Variants in STAG1 observed in about 807,000 individuals in gnomAD.
STAG1 encodes the protein STAG1 cohesin complex component, also known as cohesin subunit SA-1.
A neutral mutation model predicts 170.9 loss-of-function variants in STAG1; 26 were observed. That is an observed-to-expected ratio of 0.15 (90% CI 0.11 to 0.21). The LOEUF is 0.21. STAG1 is among the 10% of genes least tolerant of loss of function. The probability of loss-of-function intolerance (pLI) is 1.00; values close to 1 mark genes in which losing one functional copy is unlikely to be tolerated. For missense variants in STAG1, 964 were observed against 1,509.5 expected (o/e 0.64, Z 5.99); for synonymous variants, 514 against 497.7 (o/e 1.03, Z -0.44).
intron 1 of STAG1, among the ~76,000 whole-genome samples, chr3:136,740,259 T>G (rs888732652): frequency 6.6e-6 from 1 of 151,980 alleles, no homozygotes; most frequent in African/African-American, 2.4e-5. Context: ...AAGAGAGAAT[T>G]TTAACGCAAA....
chr3:136,465,579 A>C (rs1374875342), intron 12 of STAG1, among the ~76,000 whole-genome samples: 1 of 149,290 alleles, frequency 6.7e-6, no homozygotes, highest in Non-Finnish European at 1.5e-5. Context: ...AAAAAAAAAA[A>C]AAAAAAAGGG....
chr3:136,609,987 T>C (rs1471189645), intron 3 of STAG1, among the ~76,000 whole-genome samples: 1 of 152,222 alleles, frequency 6.6e-6, no homozygotes, highest in Non-Finnish European at 1.5e-5. Context: ...TTTTAATGTC[T>C]TGGATATTTT....
chr3:136,522,346 CA>C (rs1003823404), intron 6 of STAG1, among the ~76,000 whole-genome samples: 1 of 152,128 alleles, frequency 6.6e-6, no homozygotes, highest in Non-Finnish European at 1.5e-5. Flanking sequence ...GACTCAGAGT[CA>C]AAATCCCAAA....
At chr3:136,489,165 G>A (rs985466379) in intron 9 of STAG1, among the ~76,000 whole-genome samples, 2 of 152,142 alleles carry the variant, frequency 1.3e-5, no homozygotes, top group African/African-American at 4.8e-5. Context: ...ATCCTTTGTG[G>A]TAACTCTATT....
intron 22 of STAG1, among the ~76,000 whole-genome samples, chr3:136,388,997 T>C (rs1353893310): frequency 6.6e-6 from 1 of 152,168 alleles, no homozygotes; most frequent in African/African-American, 2.4e-5. Flanking sequence ...GATCTCACTA[T>C]GTTGGCCAAG....
At chr3:136,639,579 C>T (rs562026352) in intron 1 of STAG1, among the ~76,000 whole-genome samples, 1 of 152,186 alleles carries the variant, frequency 6.6e-6, no homozygotes, top group South Asian at 2.1e-4. Context: ...CAAAAATGTC[C>T]TCTGGCTTAA....
intron 1 of STAG1, among the ~76,000 whole-genome samples, chr3:136,635,808 A>T (rs764263227): frequency 1.3e-5 from 2 of 152,266 alleles, no homozygotes; most frequent in African/African-American, 4.8e-5. Flanking sequence ...ATAAAAGTCA[A>T]TCACTTTGCT....
chr3:136,662,161 T>TG (rs1941605651), intron 1 of STAG1, among the ~76,000 whole-genome samples: 1 of 151,860 alleles, frequency 6.6e-6, no homozygotes, highest in Non-Finnish European at 1.5e-5. Context: ...CTCTTTTTTT[T>TG]TTTTTTTGGA....
At chr3:136,439,883 T>C (rs1448446656) in intron 15 of STAG1, among the ~76,000 whole-genome samples, 2 of 152,196 alleles carry the variant, frequency 1.3e-5, no homozygotes, top group African/African-American at 2.4e-5. Context: ...CTTTTCTAGC[T>C]TAAACCAACC....
At chr3:136,378,365 A>G (rs779861630) in intron 22 of STAG1, among the ~76,000 whole-genome samples, 4 of 152,228 alleles carry the variant, frequency 2.6e-5, no homozygotes, top group African/African-American at 7.2e-5. Context: ...AGATGGCCAG[A>G]TAAGATTCCA....
intron 23 of STAG1, among the ~76,000 whole-genome samples, chr3:136,371,380 T>C (rs1344922671): frequency 2.6e-5 from 4 of 152,224 alleles, no homozygotes; most frequent in South Asian, 2.1e-4. Flanking sequence ...TTTGTCAATT[T>C]TGGCTTTTGT....
At chr3:136,485,554 C>G (rs1054186162) in intron 9 of STAG1, among the ~76,000 whole-genome samples, 1 of 151,974 alleles carries the variant, frequency 6.6e-6, no homozygotes, top group African/African-American at 2.4e-5. Flanking sequence ...TTTTTTCAGA[C>G]AAAAAATTTC....
intron 1 of STAG1, among the ~76,000 whole-genome samples, chr3:136,719,071 C>T (rs1933042390): frequency 6.6e-6 from 1 of 152,136 alleles, no homozygotes; most frequent in Non-Finnish European, 1.5e-5. Context: ...AGGAATGAAA[C>T]ATATGTCTAC....
At chr3:136,703,660 T>C (rs1436123317) in intron 1 of STAG1, among the ~76,000 whole-genome samples, 2 of 151,850 alleles carry the variant, frequency 1.3e-5, no homozygotes, top group Non-Finnish European at 2.9e-5. Context: ...GTGGCAAGAG[T>C]TCTTCCTTAT....
chr3:136,536,584 C>G (rs564089957), intron 6 of STAG1, among the ~76,000 whole-genome samples: 1 of 151,834 alleles, frequency 6.6e-6, no homozygotes, highest in African/African-American at 2.4e-5. Flanking sequence ...GCCTGTAGTC[C>G]CAGCTACTCA....
chr3:136,618,217 C>T (rs974596470), intron 3 of STAG1, among the ~76,000 whole-genome samples: 1 of 152,118 alleles, frequency 6.6e-6, no homozygotes, highest in African/African-American at 2.4e-5. Flanking sequence ...CCATTTTTCC[C>T]ACCAAACCAC....
chr3:136,495,086 C>A (rs761942496), intron 9 of STAG1, among the ~76,000 whole-genome samples: 1 of 152,154 alleles, frequency 6.6e-6, no homozygotes, highest in African/African-American at 2.4e-5. Context: ...AAAGCATACT[C>A]AATGCAGGTG....
intron 1 of STAG1, among the ~76,000 whole-genome samples, chr3:136,635,593 C>T (rs1490496817): frequency 1.3e-5 from 2 of 152,256 alleles, no homozygotes; most frequent in Non-Finnish European, 1.5e-5. Flanking sequence ...TCCTTTTTCA[C>T]ATCACACTGG....
chr3:136,399,082 AT>A (rs1294934869), intron 21 of STAG1, among the ~76,000 whole-genome samples: 3 of 152,202 alleles, frequency 2.0e-5, no homozygotes, highest in Non-Finnish European at 4.4e-5. Flanking sequence ...TTAAACAAAA[AT>A]GTAGTGTCAT....
Sources: gnomAD v4.1 joint callset for allele counts (sites outside exome capture counted in the v4.1 genomes callset) on GRCh38, gnomAD v4.1.1 for gene constraint, MANE v1.5 for transcripts, NCBI Gene and HGNC (gene_info 2026-07-23, HGNC 2026-07-21) for gene names.